The following TRAPPC9 variants were observed in gnomAD, a reference collection of about 807,000 sequenced individuals.
TRAPPC9 encodes IKK2 binding protein.
A neutral mutation model predicts 124.0 loss-of-function variants in TRAPPC9; 83 were observed. The ratio of observed to expected loss-of-function variants is 0.67; its 90% CI spans 0.56 to 0.80. TRAPPC9 has a LOEUF of 0.80. Among genes scored for constraint, TRAPPC9 ranks in the 30% least tolerant of loss-of-function variants. The pLI is 0.00. For synonymous variants in TRAPPC9, 638 were observed against 617.5 expected (o/e 1.03, Z -0.49); for missense variants, 1,302 against 1,508.3 (o/e 0.86, Z 2.27).
intron 21 of TRAPPC9, among the ~76,000 whole-genome samples, chr8:139,821,726 A>G (rs1825265969): frequency 1.3e-5 from 2 of 152,184 alleles, no homozygotes; most frequent in African/African-American, 4.8e-5. Context: ...TCGACTACAA[A>G]CCAGCACCCA....
chr8:139,967,996 C>A (rs535102672), intron 19 of TRAPPC9, among the ~76,000 whole-genome samples: 1 of 151,874 alleles, frequency 6.6e-6, no homozygotes, highest in East Asian at 1.9e-4. Flanking sequence ...AAAAAATTAG[C>A]CAGGCATGGT....
chr8:140,370,460 T>C (rs1182285682), intron 8 of TRAPPC9, among the ~76,000 whole-genome samples: 1 of 152,190 alleles, frequency 6.6e-6, no homozygotes, highest in Admixed American at 6.5e-5. Context: ...TTTTTTCTCC[T>C]TCTAATCAGA....
At chr8:140,026,464 G>C (rs903144808) in intron 17 of TRAPPC9, among the ~76,000 whole-genome samples, 3 of 152,172 alleles carry the variant, frequency 2.0e-5, no homozygotes, top group Non-Finnish European at 4.4e-5. Flanking sequence ...AGTGCACAGG[G>C]TTCCTGTTTT....
intron 19 of TRAPPC9, among the ~76,000 whole-genome samples, chr8:139,917,841 G>A (rs779130845): frequency 1.3e-5 from 2 of 152,196 alleles, no homozygotes; most frequent in African/African-American, 2.4e-5. Flanking sequence ...GCCTGAACTC[G>A]GGCACACATG....
chr8:140,243,985 G>T (rs73714817), intron 16 of TRAPPC9, among the ~76,000 whole-genome samples: 9,513 of 152,310 alleles, frequency 0.062, 530 homozygotes, highest in African/African-American at 0.15. Flanking sequence ...TCTCACAGGA[G>T]TGCAAACTCT....
At chr8:140,419,501 T>C (rs1273471527) in intron 5 of TRAPPC9, among the ~76,000 whole-genome samples, 1 of 137,156 alleles carries the variant, frequency 7.3e-6, no homozygotes, top group Non-Finnish European at 1.6e-5. Context: ...CTCAACCTGA[T>C]AAAGGGCATC....
chr8:140,162,329 C>T (rs1033330830), intron 17 of TRAPPC9, among the ~76,000 whole-genome samples: 7 of 152,158 alleles, frequency 4.6e-5, no homozygotes, highest in Non-Finnish European at 7.3e-5. Context: ...CAAACCAGCA[C>T]GTGGTGTCAG....
At chr8:139,800,895 T>C (rs1234320590) in intron 21 of TRAPPC9, among the ~76,000 whole-genome samples, 3 of 135,574 alleles carry the variant, frequency 2.2e-5, no homozygotes, top group African/African-American at 8.6e-5. Context: ...CTTCCCGCCC[T>C]CCGGTACCTT....
At chr8:139,840,491 A>G (rs900854302) in intron 21 of TRAPPC9, among the ~76,000 whole-genome samples, 2 of 152,256 alleles carry the variant, frequency 1.3e-5, no homozygotes, top group African/African-American at 4.8e-5. Context: ...GAACTAACTT[A>G]GCAGCGGTGG....
chr8:139,942,724 G>A (rs1305692389), intron 19 of TRAPPC9, among the ~76,000 whole-genome samples: 1 of 152,184 alleles, frequency 6.6e-6, no homozygotes, highest in Non-Finnish European at 1.5e-5. Flanking sequence ...CAGACACCCG[G>A]AAGAAGGAAA....
intron 21 of TRAPPC9, among the ~76,000 whole-genome samples, chr8:139,805,017 GC>G (rs1823942854): frequency 6.6e-6 from 1 of 152,170 alleles, no homozygotes; most frequent in Non-Finnish European, 1.5e-5. Context: ...AACTCACTAA[GC>G]CCCCTCCCCT....
At chr8:139,777,829 T>C (rs2130500627) in intron 21 of TRAPPC9, among the ~76,000 whole-genome samples, 1 of 152,262 alleles carries the variant, frequency 6.6e-6, no homozygotes, top group East Asian at 1.9e-4. Flanking sequence ...CCTAGAATCA[T>C]CCCAGCTCAT....
intron 19 of TRAPPC9, among the ~76,000 whole-genome samples, chr8:139,939,476 A>G (rs971503703): frequency 3.9e-5 from 6 of 152,124 alleles, no homozygotes; most frequent in African/African-American, 7.2e-5. Context: ...AGCCTCCCCA[A>G]CCGAGACCCT....
chr8:140,326,137 A>G (rs1425564045), intron 9 of TRAPPC9, among the ~76,000 whole-genome samples: 1 of 151,726 alleles, frequency 6.6e-6, no homozygotes, highest in Non-Finnish European at 1.5e-5. Flanking sequence ...CTGTAATCCC[A>G]GCACTTTGGG....
chr8:140,290,383 G>A (rs1265608850), intron 12 of TRAPPC9, among the ~76,000 whole-genome samples: 1 of 152,188 alleles, frequency 6.6e-6, no homozygotes, highest in Non-Finnish European at 1.5e-5. Flanking sequence ...GGCATGGGAG[G>A]GCCCGCTCTG....
intron 21 of TRAPPC9, among the ~76,000 whole-genome samples, chr8:139,745,329 A>C (rs1818818350): frequency 1.3e-5 from 2 of 152,338 alleles, no homozygotes; most frequent in South Asian, 4.1e-4. Flanking sequence ...AAAAAAGGGA[A>C]AGGTGGTGCG....
At chr8:140,274,439 C>G (rs2131641399) in intron 15 of TRAPPC9, among the ~76,000 whole-genome samples, 1 of 152,324 alleles carries the variant, frequency 6.6e-6, no homozygotes, top group South Asian at 2.1e-4. Context: ...CTCCCCAGGG[C>G]AAGGCTCCTT....
At chr8:140,022,351 AC>A (rs1237966047) in intron 18 of TRAPPC9, among the ~76,000 whole-genome samples, 1 of 152,208 alleles carries the variant, frequency 6.6e-6, no homozygotes. Context: ...AGGGAAAAGA[AC>A]CACGGAAACC....
At chr8:140,015,825 C>T (rs943876296) in intron 18 of TRAPPC9, among the ~76,000 whole-genome samples, 3 of 152,106 alleles carry the variant, frequency 2.0e-5, no homozygotes, top group African/African-American at 4.8e-5. Flanking sequence ...TATATATAAA[C>T]GGGGTCATCC....
Sources: allele counts gnomAD v4.1 joint callset (sites outside exome capture counted in the v4.1 genomes callset), GRCh38; gene constraint gnomAD v4.1.1; transcripts MANE v1.5; gene names NCBI Gene and HGNC (gene_info 2026-07-23, HGNC 2026-07-21).